ZNF875: variants seen among roughly 807,000 people sequenced by gnomAD.
ZNF875 encodes the protein zinc finger protein 875.
In ZNF875, 14 loss-of-function variants were observed where a neutral mutation model predicts 11.2. That is an observed-to-expected ratio of 1.26 (90% CI 0.83 to 1.96). The LOEUF is 1.96. Ranked by LOEUF, ZNF875 falls within the 30% of genes most tolerant of loss-of-function variation. ZNF875 has a pLI of 0.00. For missense variants in ZNF875, 752 were observed against 760.4 expected (o/e 0.99, Z 0.13); for synonymous variants, 301 against 281.1 (o/e 1.07, Z -0.71).
chr19:37,354,451 CTTA>C lies in ZNF875; in HGVS notation c.256+6585_256+6587del, dbSNP rs753227632. Among the ~76,000 whole-genome samples the C allele has an allele frequency of 5.9e-5, 9 of 151,728 alleles. No individual in the cohort carries two copies. The East Asian group carries it at 9.7e-4, about 16-fold the overall frequency. Reference sequence around the variant, plus strand: ...AGTTATTTGTTATATTTTATCCAGTCTTATTATTTTCTGCTGCAGGGTTCTTGT... The same window carrying C: ...AGTTATTTGTTATATTTTATCCAGTCTTATTTTCTGCTGCAGGGTTCTTGT... On this transcript the variant is annotated intron_variant, in intron 4 of 4. Coordinates refer to ENST00000392153, the MANE Select transcript of ZNF875 (RefSeq NM_001353803.2).
At chr19:37,339,221 A>G (rs898604876) in intron 2 of ZNF875, among the ~76,000 whole-genome samples, 29 of 151,968 alleles carry the variant, frequency 1.9e-4, no homozygotes, top group African/African-American at 5.8e-4. Flanking sequence ...GACAGGCCCT[A>G]ATGGTAAAAT....
chr19:37,328,356 A>G (rs556590170), intron 4 of ZNF875, among the ~76,000 whole-genome samples: 3 of 152,184 alleles, frequency 2.0e-5, no homozygotes, highest in East Asian at 3.9e-4. Context: ...CCCAAAGTTC[A>G]TGTGTTGGAA....
Position 37,364,001 on chromosome 19 carries a change from CTG to C in ZNF875, c.*229_*230del, listed in dbSNP as rs372853819. The C allele has an allele frequency of 1.4e-3, 761 of 533,128 alleles. 8 individuals carry two copies. In the South Asian group the frequency reaches 0.018, roughly 13 times the overall value. The allele number at this position is 533,128 out of a possible 1,614,324, so 33.0% of individuals were successfully genotyped here. On this transcript the variant is annotated 3_prime_UTR_variant, in exon 5 of 5. Coordinates refer to ENST00000392153, the MANE Select transcript of ZNF875 (RefSeq NM_001353803.2). ...TTTTCAGGAGCCCTGCCCTTCCTCA[CTG>C]TGGATGGTGGGTTGTGGAAACCCGG... is the stretch of plus-strand genomic sequence containing the variant.
intron 4 of ZNF875, among the ~76,000 whole-genome samples, chr19:37,326,240 A>G (rs2032410909): frequency 6.6e-6 from 1 of 152,236 alleles, no homozygotes; most frequent in Admixed American, 6.5e-5. Context: ...AGTGCTCAGC[A>G]GCCACATGTG....
intron 2 of ZNF875, among the ~76,000 whole-genome samples, chr19:37,336,170 G>T (rs1401346258): frequency 6.6e-6 from 1 of 152,138 alleles, no homozygotes; most frequent in African/African-American, 2.4e-5. Context: ...CCCCTGACTG[G>T]TTTGTTAAGT....
At position 37,363,450 on chromosome 19, in the gene ZNF875, C is replaced by G. The variant is rs1365256707; in HGVS notation, c.1598C>G (p.Pro533Arg). 1 of 1,613,900 alleles carries G rather than the reference C, an allele frequency of 6.2e-7. No individual in the cohort carries two copies. Among genetic ancestry groups the G allele is most frequent in the Non-Finnish European group, 8.5e-7 (1 of 1,179,956 alleles). The change falls in exon 5 of 5, where the codon CCT becomes CGT. Residue 533 changes from proline (P) to arginine (R), a missense_variant. Physicochemically the swap from Pro to Arg is moderately radical, Grantham distance 103. Transcript: ENST00000392153. ...SHQRTHSGEK[P>R]FMCRECGRRF... ...CAGAGGACACATTCAGGGGAAAAGCCTTTTATGTGCAGGGAGTGTGGCAGA... is the reference window on the plus strand; with the variant it reads ...CAGAGGACACATTCAGGGGAAAAGCGTTTTATGTGCAGGGAGTGTGGCAGA...
At chr19:37,334,974 CT>C in intron 1 of ZNF875, 192 bp downstream of exon 1, 1 of 514,930 alleles carries the variant, frequency 1.9e-6, no homozygotes, top group Non-Finnish European at 3.6e-6. Flanking sequence ...AAGGGCTTCA[CT>C]CCCTGTCCCG....
intron 1 of ZNF875, among the ~76,000 whole-genome samples, chr19:37,320,518 T>C (rs1291373161): frequency 6.6e-6 from 1 of 150,666 alleles, no homozygotes; most frequent in African/African-American, 2.4e-5. Context: ...TACACCAAAA[T>C]TTAGTAGCTC....
At chr19:37,327,994 C>T (rs2032788722) in intron 4 of ZNF875, among the ~76,000 whole-genome samples, 1 of 152,028 alleles carries the variant, frequency 6.6e-6, no homozygotes, top group Non-Finnish European at 1.5e-5. Flanking sequence ...GTAATCTCAG[C>T]ACTTTGGGAG....
chr19:37,315,160 T>C (rs940922476), upstream of ZNF875: 5 of 152,200 alleles, frequency 3.3e-5, no homozygotes, highest in African/African-American at 1.2e-4. Context: ...ACTGGCTTCT[T>C]TCACTTAGCA....
intron 4 of ZNF875, among the ~76,000 whole-genome samples, chr19:37,325,637 C>A (rs978361742): frequency 6.6e-6 from 1 of 151,832 alleles, no homozygotes; most frequent in Non-Finnish European, 1.5e-5. Flanking sequence ...TCTCAAACTC[C>A]TGGGCTCAAG....
At chr19:37,325,452 A>G (rs1180976573) in intron 4 of ZNF875, among the ~76,000 whole-genome samples, 2 of 152,260 alleles carry the variant, frequency 1.3e-5, no homozygotes, top group Non-Finnish European at 2.9e-5. Context: ...AAAAAGAAAC[A>G]GGTGAAATTA....
chr19:37,348,356 G>A (rs190419342), intron 4 of ZNF875, among the ~76,000 whole-genome samples: 103 of 152,172 alleles, frequency 6.8e-4, no homozygotes, highest in Non-Finnish European at 7.9e-4. Flanking sequence ...CTAAACAGTC[G>A]AAACCCCTAT....
At chr19:37,321,668 A>G (rs1417448098) in intron 1 of ZNF875, among the ~76,000 whole-genome samples, 1 of 152,126 alleles carries the variant, frequency 6.6e-6, no homozygotes, top group Non-Finnish European at 1.5e-5. Context: ...GTGGAGGGGC[A>G]GGCCATCCCT....
intron 4 of ZNF875, among the ~76,000 whole-genome samples, chr19:37,356,656 C>A (rs1310846312): frequency 6.6e-6 from 1 of 152,128 alleles, no homozygotes; most frequent in Non-Finnish European, 1.5e-5. Context: ...GTCCTTTGCT[C>A]ACTTTTTAAT....
At chr19:37,320,589 C>T (rs1473425488) in intron 1 of ZNF875, among the ~76,000 whole-genome samples, 2 of 152,192 alleles carry the variant, frequency 1.3e-5, no homozygotes, top group East Asian at 3.8e-4. Context: ...TCAGACATGG[C>T]ACAAGGGTAG....
In ZNF875 at chr19:37,363,309, G is replaced by A. The variant is rs746212508; in HGVS notation, c.1457G>A (p.Gly486Asp). 29 of 1,610,688 alleles carry A rather than the reference G, an allele frequency of 1.8e-5. No individual in the cohort carries two copies. The highest frequency in any genetic ancestry group is 3.3e-4 in the Middle Eastern group (2 of 6,054). The change falls in exon 5 of 5, where the codon GGC becomes GAC. Residue 486 changes from glycine to aspartate, a missense_variant. Gly to Asp is a moderately conservative substitution (Grantham distance 94, BLOSUM62 -1). Coordinates refer to ENST00000392153, the MANE Select transcript of ZNF875 (RefSeq NM_001353803.2). ...TTTGTATGTACGGAGTGTGGGCGAG[G>A]CTTTACCCGGAAATCAACCCTGAGC... is the stretch of plus-strand genomic sequence containing the variant. Reference protein sequence around the residue: ...KPFVCTECGRGFTRKSTLSTH... With the variant: ...KPFVCTECGRDFTRKSTLSTH...
upstream of ZNF875, among the ~76,000 whole-genome samples, chr19:37,332,806 A>C (rs550610077): frequency 6.6e-6 from 1 of 152,210 alleles, no homozygotes; most frequent in South Asian, 2.1e-4. Flanking sequence ...TTTCTTCCCC[A>C]CTGCGTTTAT....
intron 2 of ZNF875, among the ~76,000 whole-genome samples, chr19:37,335,872 C>T (rs1342933859): frequency 1.3e-5 from 2 of 152,186 alleles, no homozygotes; most frequent in Non-Finnish European, 2.9e-5. Context: ...GTCTTTTCGG[C>T]TCCAAACATA....
Sources: gnomAD v4.1 joint callset for allele counts (sites outside exome capture counted in the v4.1 genomes callset) on GRCh38, gnomAD v4.1.1 for gene constraint, MANE v1.5 for transcripts, NCBI Gene and HGNC (gene_info 2026-07-23, HGNC 2026-07-21) for gene names.